Variants in PRPS1 observed in about 807,000 individuals in gnomAD.
The protein encoded by PRPS1 is phosphoribosyl pyrophosphate synthetase 1, also known as ribose-phosphate pyrophosphokinase 1.
Under a neutral mutation model 16.9 loss-of-function variants are expected in PRPS1, and 1 was observed. That is an observed-to-expected ratio of 0.06 (90% CI 0.02 to 0.28). The LOEUF (loss-of-function observed/expected upper bound fraction) is 0.28, where lower values mean the gene tolerates loss of function less well. Among genes scored for constraint, PRPS1 ranks in the 10% least tolerant of loss-of-function variants. The pLI, the probability that PRPS1 is intolerant of heterozygous loss-of-function variation, is 1.00. For synonymous variants in PRPS1, 70 were observed against 90.2 expected (o/e 0.78, Z 1.27); for missense variants, 47 against 254.0 (o/e 0.19, Z 5.54).
chrX:107,636,920 A>G (rs1034471807), intron 1 of PRPS1, among the ~76,000 whole-genome samples: 3 of 111,965 alleles, frequency 2.7e-5, no homozygotes, highest in African/African-American at 9.7e-5. Context: ...TTAGAGTGAG[A>G]TAGAAGTATG....
At chrX:107,634,110 A>G (rs1925369990) in intron 1 of PRPS1, among the ~76,000 whole-genome samples, 1 of 111,997 alleles carries the variant, frequency 8.9e-6, no homozygotes, top group African/African-American at 3.2e-5. Flanking sequence ...TTGTTAAGGT[A>G]GGTATCAGAA....
intron 3 of PRPS1, chrX:107,641,224 A>G: frequency 1.1e-6 from 1 of 918,382 alleles, no homozygotes; most frequent in African/African-American, 2.0e-5. Flanking sequence ...ACTACTTTGA[A>G]TAAAGGCTCT....
chrX:107,638,186 C>A (rs886667396), intron 1 of PRPS1, among the ~76,000 whole-genome samples: 4 of 109,972 alleles, frequency 3.6e-5, no homozygotes, highest in Admixed American at 1.9e-4. Flanking sequence ...CTTGGCTCAC[C>A]GCAACCTGTG....
At chrX:107,648,624 G>T in intron 6 of PRPS1, among the ~76,000 whole-genome samples, 1 of 108,536 alleles carries the variant, frequency 9.2e-6, no homozygotes, top group East Asian at 2.9e-4. Flanking sequence ...TGTTGCCCAG[G>T]CTGGTCTCAA....
intron 5 of PRPS1, among the ~76,000 whole-genome samples, chrX:107,646,518 G>A (rs1925698041): frequency 8.9e-6 from 1 of 111,900 alleles, no homozygotes; most frequent in Non-Finnish European, 1.9e-5. Context: ...CTTGGTTTGG[G>A]ATCCTGGAGT....
chrX:107,631,875 A>G lies in PRPS1; in HGVS notation c.122+3125A>G, dbSNP rs1241049417. Among the ~76,000 whole-genome samples, 4 of 111,774 alleles carry G rather than the reference A, an allele frequency of 3.6e-5. No individual in the cohort carries two copies. In the East Asian group the frequency reaches 8.4e-4, roughly 23 times the overall value. On this transcript the variant is annotated intron_variant, in intron 1 of 6. Transcript: ENST00000372435. ...CTAATATTTTGTATTTTTAGTAGAG[A>G]CAGGGTTTCACCATGTTGGCCAGGC...
intron 4 of PRPS1, among the ~76,000 whole-genome samples, chrX:107,643,004 C>A (rs1482447812): frequency 8.9e-6 from 1 of 112,387 alleles, no homozygotes; most frequent in Non-Finnish European, 1.9e-5. Context: ...TGCCAGTTAA[C>A]AGTGCTTTGC....
intron 1 of PRPS1, among the ~76,000 whole-genome samples, chrX:107,629,315 A>G (rs1436811356): frequency 8.9e-6 from 1 of 111,865 alleles, no homozygotes; most frequent in Admixed American, 9.5e-5. Flanking sequence ...TAGATCAGCA[A>G]GCGTTGGCTT....
At chrX:107,641,550 G>A (rs1373334098) in intron 3 of PRPS1, among the ~76,000 whole-genome samples, 1 of 110,927 alleles carries the variant, frequency 9.0e-6, no homozygotes, top group East Asian at 2.8e-4. Context: ...TTGAGATGGG[G>A]TTTCACCATG....
chrX:107,628,998 C>G (rs1400038128), intron 1 of PRPS1, among the ~76,000 whole-genome samples: 1 of 111,157 alleles, frequency 9.0e-6, no homozygotes, highest in African/African-American at 3.3e-5. Context: ...CGTTTGAGGG[C>G]AAGGGCTGGG....
At chrX:107,637,082 G>A (rs150826893) in intron 1 of PRPS1, among the ~76,000 whole-genome samples, 1,179 of 112,331 alleles carry the variant, frequency 0.01, 30 homozygotes, top group Admixed American at 0.075. Flanking sequence ...AATGTTGTTT[G>A]AGGTATCACT....
chrX:107,641,779 C>A (rs1385623139), intron 3 of PRPS1, among the ~76,000 whole-genome samples: 1 of 112,232 alleles, frequency 8.9e-6, no homozygotes, highest in African/African-American at 3.2e-5. Flanking sequence ...CAAATCATTA[C>A]ATTTCAAGCT....
At chrX:107,647,862 T>G in intron 6 of PRPS1, 97 bp downstream of exon 6, 5 of 971,276 alleles carry the variant, frequency 5.1e-6, no homozygotes, top group Non-Finnish European at 7.2e-6. Context: ...GATATCTTTC[T>G]TTGGTCTGAA....
chrX:107,647,041 G>A (rs1471692685), intron 5 of PRPS1, among the ~76,000 whole-genome samples: 1 of 112,508 alleles, frequency 8.9e-6, no homozygotes, highest in Non-Finnish European at 1.9e-5. Flanking sequence ...GTTCTTTCTC[G>A]ATATGGACTG....
rs1466588028 is a variant in PRPS1 at position 107,649,948 on chromosome X, C to T, written c.873C>T (p.Asp291=). The change falls in exon 7 of 7, where the codon GAC becomes GAT. Residue 291 remains aspartate (D), a synonymous_variant. Transcript: ENST00000372435. ...CTTTCTTGCCTTTCTAGGTGATTGA[C>T]ATCTCTATGATCCTTGCAGAAGCCA... ...MKHCSKIQVI[D]ISMILAEAIR... is the part of the protein sequence containing the mutation. The T allele has an allele frequency of 8.3e-7, 1 of 1,210,441 alleles. No homozygotes were observed. Among genetic ancestry groups the T allele is most frequent in the African/African-American group, 1.7e-5 (1 of 57,312 alleles).
chrX:107,640,889 C>T lies in PRPS1; in HGVS notation c.307-13C>T. ...CTTTTTGGTTTTTCTTTTCTTTCCT[C>T]CCCTCCATTTAGAGCCGGGCGCCAA... is the stretch of plus-strand genomic sequence containing the variant. On this transcript the variant is annotated splice_polypyrimidine_tract_variant and intron_variant, in intron 2 of 6. Coordinates refer to ENST00000372435, the MANE Select transcript of PRPS1 (RefSeq NM_002764.4). 2.5e-6 allele frequency: 3 copies of T among 1,209,813 alleles called. No individual in the cohort carries two copies. Among genetic ancestry groups the T allele is most frequent in the Non-Finnish European group, 3.4e-6 (3 of 893,857 alleles).
chrX:107,634,314 A>G (rs1925375515), intron 1 of PRPS1, among the ~76,000 whole-genome samples: 1 of 109,954 alleles, frequency 9.1e-6, no homozygotes, highest in African/African-American at 3.3e-5. Context: ...TCTCGGGTTC[A>G]CGCCATTCTC....
At chrX:107,641,075 G>T (rs1461144148) in intron 3 of PRPS1, 75 bp downstream of exon 3, 1 of 1,210,207 alleles carries the variant, frequency 8.3e-7, no homozygotes. Context: ...CTGCAGAGAA[G>T]CCAAAAATTA....
At chrX:107,638,822 T>C (rs1029404448) in intron 1 of PRPS1, among the ~76,000 whole-genome samples, 5 of 111,335 alleles carry the variant, frequency 4.5e-5, no homozygotes, top group African/African-American at 1.6e-4. Context: ...AACCTCCGCC[T>C]CCTGAGTTCC....
Sources: gnomAD v4.1 joint callset for allele counts (sites outside exome capture counted in the v4.1 genomes callset) on GRCh38, gnomAD v4.1.1 for gene constraint, MANE v1.5 for transcripts, NCBI Gene and HGNC (gene_info 2026-07-23, HGNC 2026-07-21) for gene names.